The following CYRIA variants were observed in gnomAD, a reference collection of about 807,000 sequenced individuals.
CYRIA encodes the protein CYFIP-related Rac1 interactor A.
Under a neutral mutation model 43.9 loss-of-function variants are expected in CYRIA, and 15 were observed. The observed-to-expected ratio is 0.34, with a 90% CI of 0.23 to 0.53. CYRIA has a LOEUF of 0.53. Among genes scored for constraint, CYRIA ranks in the 20% least tolerant of loss-of-function variants. The pLI is 0.94. For synonymous variants in CYRIA, 117 were observed against 136.0 expected, an observed-to-expected ratio of 0.86 and a Z score of 0.97; for missense variants, 236 against 394.2, an observed-to-expected ratio of 0.60 and a Z score of 3.40.
chr2:16,568,933 A>T (rs57335859), intron 3 of CYRIA, among the ~76,000 whole-genome samples: 5,019 of 152,180 alleles, frequency 0.033, 248 homozygotes, highest in African/African-American at 0.097. Context: ...AATTTTTTTT[A>T]AAAAAATCCT....
At chr2:16,568,104 C>A (rs13420873) in intron 3 of CYRIA, among the ~76,000 whole-genome samples, 1 of 151,928 alleles carries the variant, frequency 6.6e-6, no homozygotes, top group African/African-American at 2.4e-5. Flanking sequence ...GCTCCAACAT[C>A]TGAAATGTTT....
At chr2:16,649,757 G>A (rs1162023375) in intron 1 of CYRIA, among the ~76,000 whole-genome samples, 1 of 152,160 alleles carries the variant, frequency 6.6e-6, no homozygotes, top group East Asian at 1.9e-4. Context: ...CGGTTGTACA[G>A]TACAGGGCAT....
intron 2 of CYRIA, among the ~76,000 whole-genome samples, chr2:16,589,359 A>G (rs1438461903): frequency 6.6e-6 from 1 of 152,152 alleles, no homozygotes; most frequent in Non-Finnish European, 1.5e-5. Context: ...GACTCTGCGC[A>G]TGAGAATATG....
chr2:16,662,107 G>A (rs182814346), intron 1 of CYRIA, among the ~76,000 whole-genome samples: 158 of 152,226 alleles, frequency 1.0e-3, no homozygotes, highest in African/African-American at 3.3e-3. Context: ...GTGCATTGTT[G>A]TGGTATTGTA....
intron 3 of CYRIA, among the ~76,000 whole-genome samples, chr2:16,569,164 C>A (rs577319706): frequency 6.6e-6 from 1 of 152,218 alleles, no homozygotes; most frequent in Admixed American, 6.5e-5. Flanking sequence ...CATGAGTAAC[C>A]AGGGGGCTGG....
rs76814205 is a variant in CYRIA at position 16,643,769 on chromosome 2, T to C, written c.-166-19750A>G. ...ACCCAGACATAGTGTTTTAGAGCCT[T>C]TGTACAATGAATGAAGAGATGAATG... On this transcript the variant is annotated intron_variant, in intron 1 of 11. Transcript: ENST00000381323. 2.9e-3 allele frequency among the ~76,000 whole-genome samples: 434 copies of C among 152,254 alleles called. 6 individuals carry two copies. Among genetic ancestry groups the C allele is most frequent in the African/African-American group, 9.9e-3 (410 of 41,530 alleles).
rs1482391908 is a variant in CYRIA, at chr2:16,597,112, C to G, written c.-10-8983G>C. ...TCTGAGAGATAGTTTGTTATAATTT[C>G]TGTTCTTTTACATTTGCTGAGGAGA... On this transcript the variant is annotated intron_variant, in intron 2 of 11. Transcript: ENST00000381323. Among the ~76,000 whole-genome samples the G allele has an allele frequency of 2.4e-3, 162 of 66,856 alleles. 3 individuals are homozygous for G. The highest frequency in any genetic ancestry group is 0.013 in the African/African-American group (141 of 10,858). 43.9% of individuals were successfully genotyped at this position (66,856 alleles called of 152,430 possible).
rs369641843 is a variant in CYRIA, at chr2:16,651,783, AT to A, written c.-167+13996del. Reference sequence around the variant, plus strand: ...ATTATTTTAATATCAGGTGCCGTGAATTTTTTTTTTAATTTCCCCATTTTAA... The same window carrying A: ...ATTATTTTAATATCAGGTGCCGTGAATTTTTTTTTAATTTCCCCATTTTAA... On this transcript the variant is annotated intron_variant, in intron 1 of 11. Transcript: ENST00000381323. Among the ~76,000 whole-genome samples, 198 of 150,688 alleles carry A rather than the reference AT, an allele frequency of 1.3e-3. 1 individual carries two copies. The highest frequency in any genetic ancestry group is 4.3e-3 in the African/African-American group (178 of 41,114).
intron 2 of CYRIA, among the ~76,000 whole-genome samples, chr2:16,593,718 G>GTTTTTTT (rs572181896): frequency 2.3e-5 from 2 of 85,850 alleles, no homozygotes; most frequent in East Asian, 2.7e-4. Context: ...GTGTGTGTGT[G>GTTTTTTT]TTTTTTTTTT....
At chr2:16,621,586 A>G (rs1455925906) in intron 2 of CYRIA, among the ~76,000 whole-genome samples, 1 of 152,184 alleles carries the variant, frequency 6.6e-6, no homozygotes, top group Admixed American at 6.5e-5. Context: ...GCTTCATTCC[A>G]CAGGCTCCTC....
At chr2:16,562,935 A>G (rs1666796911) in intron 5 of CYRIA, among the ~76,000 whole-genome samples, 1 of 152,194 alleles carries the variant, frequency 6.6e-6, no homozygotes, top group South Asian at 2.1e-4. Flanking sequence ...CCACAACTCT[A>G]AAATATTTAT....
intron 3 of CYRIA, among the ~76,000 whole-genome samples, chr2:16,584,190 C>T (rs939728938): frequency 5.9e-5 from 9 of 152,132 alleles, no homozygotes; most frequent in African/African-American, 1.9e-4. Context: ...CAGCTCACTG[C>T]CTAATTCATC....
At chr2:16,554,262 A>T (rs530069182) in intron 11 of CYRIA, among the ~76,000 whole-genome samples, 3 of 152,294 alleles carry the variant, frequency 2.0e-5, no homozygotes, top group African/African-American at 7.2e-5. Flanking sequence ...GGACTCAAAG[A>T]TGAATAAGAC....
Position 16,550,344 on chromosome 2 carries a change from T to C in CYRIA, c.*2592A>G, listed in dbSNP as rs1235625666. ...CCCAAACACAACAATCCATGATTGT[T>C]CAATGACTCCTGATGCCGGGAGGAC... is the stretch of plus-strand genomic sequence containing the variant. On this transcript the variant is annotated 3_prime_UTR_variant, in exon 12 of 12. Coordinates refer to ENST00000381323, the MANE Select transcript of CYRIA (RefSeq NM_030797.4). The C allele has an allele frequency of 1.3e-5, 2 of 151,836 alleles. No homozygotes were observed. The highest frequency in any genetic ancestry group is 2.4e-5 in the African/African-American group (1 of 41,318). The allele number at this position is 151,836 out of a possible 1,614,324, so 9.4% of individuals were successfully genotyped here. A position where few individuals can be genotyped will look rare whatever the true frequency, so the allele number is the denominator to read the frequency against.
At chr2:16,632,002 C>T (rs953042106) in intron 1 of CYRIA, among the ~76,000 whole-genome samples, 1 of 152,216 alleles carries the variant, frequency 6.6e-6, no homozygotes, top group South Asian at 2.1e-4. Flanking sequence ...CCACAGACCA[C>T]CTCAAAGCTT....
chr2:16,607,299 C>T (rs960985790), intron 2 of CYRIA, among the ~76,000 whole-genome samples: 2 of 49,906 alleles, frequency 4.0e-5, no homozygotes, highest in Non-Finnish European at 7.3e-5. Flanking sequence ...GGAGGTGGGC[C>T]TGTCAGGCAG....
intron 2 of CYRIA, among the ~76,000 whole-genome samples, chr2:16,601,638 T>G (rs1008981384): frequency 6.6e-6 from 1 of 151,564 alleles, no homozygotes; most frequent in African/African-American, 2.4e-5. Flanking sequence ...TCTATGAGAG[T>G]TGGCTTTAAG....
At chr2:16,558,380 TG>T (rs1368327333) in intron 10 of CYRIA, among the ~76,000 whole-genome samples, 28 of 152,302 alleles carry the variant, frequency 1.8e-4, no homozygotes, top group Admixed American at 1.8e-3. Context: ...TTCAGACCTA[TG>T]GCCCTCCTGG....
intron 2 of CYRIA, among the ~76,000 whole-genome samples, chr2:16,607,772 T>A (rs558217733): frequency 6.6e-6 from 1 of 152,112 alleles, no homozygotes; most frequent in Non-Finnish European, 1.5e-5. Context: ...AATTTTCGTA[T>A]TTTTAGTAGA....
Sources: allele counts gnomAD v4.1 joint callset (sites outside exome capture counted in the v4.1 genomes callset), GRCh38; gene constraint gnomAD v4.1.1; transcripts MANE v1.5; gene names NCBI Gene and HGNC (gene_info 2026-07-23, HGNC 2026-07-21).